ZBTB46: variants seen among roughly 807,000 people sequenced by gnomAD.
ZBTB46 encodes zinc finger and BTB domain containing 46.
In ZBTB46, 8 loss-of-function variants were observed where a neutral mutation model predicts 44.1. The ratio of observed to expected loss-of-function variants is 0.18; its 90% CI spans 0.11 to 0.33. The LOEUF is 0.33. Ranked by LOEUF, ZBTB46 falls within the 10% of genes least tolerant of loss-of-function variation. The probability of loss-of-function intolerance (pLI) is 1.00; values close to 1 mark genes in which losing one functional copy is unlikely to be tolerated. For missense variants in ZBTB46, 651 were observed against 847.7 expected, an observed-to-expected ratio of 0.77 and a Z score of 2.88; for synonymous variants, 409 against 382.3, an observed-to-expected ratio of 1.07 and a Z score of -0.81.
intron 1 of ZBTB46, among the ~76,000 whole-genome samples, chr20:63,798,842 T>TAA (rs576160058): frequency 9.3e-5 from 11 of 117,820 alleles, no homozygotes; most frequent in East Asian, 7.5e-4. Context: ...AGACTCTGTC[T>TAA]AAAAAAAAAA....
At chr20:63,759,544 T>C (rs1198509287) in intron 3 of ZBTB46, among the ~76,000 whole-genome samples, 1 of 152,074 alleles carries the variant, frequency 6.6e-6, no homozygotes, top group Non-Finnish European at 1.5e-5. Context: ...TATCACTGTA[T>C]TGCACAGCTT....
chr20:63,756,745 TTATTGCCCTAGGGCTTCG>T (rs1388579389), intron 3 of ZBTB46, among the ~76,000 whole-genome samples: 13 of 152,224 alleles, frequency 8.5e-5, no homozygotes, highest in African/African-American at 3.1e-4. Flanking sequence ...ACCACACGTT[TTATTGCCCTAGGGCTTCG>T]TATACGTGGG....
intron 3 of ZBTB46, among the ~76,000 whole-genome samples, chr20:63,765,974 C>A (rs2092317250): frequency 6.6e-6 from 1 of 152,112 alleles, no homozygotes; most frequent in Non-Finnish European, 1.5e-5. Context: ...TCCTTATCAA[C>A]CCCCAAGACA....
chr20:63,807,543 C>A (rs2092689405), intron 1 of ZBTB46, among the ~76,000 whole-genome samples: 1 of 152,168 alleles, frequency 6.6e-6, no homozygotes, highest in South Asian at 2.1e-4. Flanking sequence ...CGGGGTTTCA[C>A]CATGTTGGCC....
chr20:63,799,458 T>G (rs2092627530), intron 1 of ZBTB46, among the ~76,000 whole-genome samples: 1 of 152,008 alleles, frequency 6.6e-6, no homozygotes, highest in African/African-American at 2.4e-5. Flanking sequence ...GCGATTCTTG[T>G]ACCTCAGCCT....
At chr20:63,830,508 G>A (rs1331387962) in intron 1 of ZBTB46, among the ~76,000 whole-genome samples, 2 of 150,444 alleles carry the variant, frequency 1.3e-5, no homozygotes, top group Admixed American at 6.6e-5. Flanking sequence ...GGCGTCCGGG[G>A]AGACAATGAC....
At chr20:63,795,456 G>A (rs541720812) in intron 1 of ZBTB46, among the ~76,000 whole-genome samples, 1 of 152,358 alleles carries the variant, frequency 6.6e-6, no homozygotes, top group East Asian at 1.9e-4. Flanking sequence ...GGCTGCGTGG[G>A]GCCTGTCCTG....
rs540871193 is a variant in ZBTB46 at position 63,764,551 on chromosome 20, C to T, written c.1222+11127G>A. On this transcript the variant is annotated intron_variant, in intron 3 of 4. Transcript: ENST00000245663. The stretch of plus-strand genomic sequence containing the variant: ...CATTGTCTTCTAGCTTCTGTAGTTT[C>T]TGGGAAAGTCAGCCATCACTGTTGT... Among the ~76,000 whole-genome samples the T allele has an allele frequency of 2.0e-5, 3 of 151,938 alleles. No individual in the cohort carries two copies. In the East Asian group the frequency reaches 5.8e-4, roughly 29 times the overall value.
At chr20:63,769,102 C>T (rs1303620037) in intron 3 of ZBTB46, 1 of 727,320 alleles carries the variant, frequency 1.4e-6, no homozygotes, top group Non-Finnish European at 1.7e-6. Flanking sequence ...GAGGAGGGCA[C>T]ATGGAGAGCA....
chr20:63,791,317 A>T (rs2092558678), intron 1 of ZBTB46, among the ~76,000 whole-genome samples: 2 of 152,056 alleles, frequency 1.3e-5, no homozygotes. Flanking sequence ...AACATGGTGA[A>T]ACCCTGTCTC....
At chr20:63,830,080 C>A (rs1473255924) in intron 1 of ZBTB46, among the ~76,000 whole-genome samples, 1 of 152,246 alleles carries the variant, frequency 6.6e-6, no homozygotes, top group East Asian at 1.9e-4. Context: ...CGCTGCGAAT[C>A]TCAAACTTTC....
chr20:63,786,382 A>G (rs6089777), intron 2 of ZBTB46, among the ~76,000 whole-genome samples: 82,470 of 152,156 alleles, frequency 0.54, 22,639 homozygotes, highest in South Asian at 0.62. Context: ...TGCTCCTGGC[A>G]TCTGTGGGTG....
chr20:63,799,937 G>A (rs990835781), intron 1 of ZBTB46, among the ~76,000 whole-genome samples: 2 of 152,102 alleles, frequency 1.3e-5, no homozygotes, highest in African/African-American at 2.4e-5. Flanking sequence ...CAACAACTCC[G>A]GTACCTACCC....
In ZBTB46 at chr20:63,808,756, T is replaced by C. The variant is rs555078429; in HGVS notation, c.-33-17966A>G. ...TTGGGAGGCCGAGGCGGGCGGATGG[T>C]GAGGTCAGGAGATCAAGACCATCCT... On this transcript the variant is annotated intron_variant, in intron 1 of 4. Transcript: ENST00000245663. Among the ~76,000 whole-genome samples, 4 of 151,560 alleles carry C rather than the reference T, an allele frequency of 2.6e-5. No homozygotes were observed. In the South Asian group the frequency reaches 8.3e-4, roughly 31 times the overall value.
At chr20:63,830,232 C>T (rs1380496580) in intron 1 of ZBTB46, among the ~76,000 whole-genome samples, 2 of 152,230 alleles carry the variant, frequency 1.3e-5, no homozygotes, top group African/African-American at 4.8e-5. Context: ...CAGGGGAACC[C>T]CAACTAGCAG....
In ZBTB46 at chr20:63,775,679, G is replaced by A. The variant is rs748474265; in HGVS notation, c.1221C>T (p.Ser407=). 5 of 1,566,034 alleles carry A rather than the reference G, an allele frequency of 3.2e-6. No homozygotes were observed. Among genetic ancestry groups the A allele is most frequent in the Admixed American group, 1.8e-5 (1 of 54,344 alleles). Residue 407 remains serine (S), a splice_region_variant and synonymous_variant, in exon 3 of 5, where the codon TCC becomes TCT. Transcript: ENST00000245663. ...EYLPRGAHSL[S]LNEFTVIRKK... is the part of the protein sequence containing the mutation. ...GCGGCCCCCAGGGCCTGCACTTACGGGACAGCGAGTGGGCCCCTCTGGGCA... is the reference window on the plus strand; with the variant it reads ...GCGGCCCCCAGGGCCTGCACTTACGAGACAGCGAGTGGGCCCCTCTGGGCA...
rs6122189 is a variant in ZBTB46, at chr20:63,820,848, C to A, written c.-34+10249G>T. ...GGTTCAAGCGATTCTCCTGCCTCAT[C>A]CTCCCGAAGATCTGGGACTACAGGT... is the stretch of plus-strand genomic sequence containing the variant. On this transcript the variant is annotated intron_variant, in intron 1 of 4. Transcript: ENST00000245663. Among the ~76,000 whole-genome samples, 481 of 152,212 alleles carry A rather than the reference C, an allele frequency of 3.2e-3. 2 individuals are homozygous for A. Among genetic ancestry groups the A allele is most frequent in the African/African-American group, 0.011 (438 of 41,538 alleles).
At chr20:63,806,150 C>T (rs1205679571) in intron 1 of ZBTB46, among the ~76,000 whole-genome samples, 1 of 150,866 alleles carries the variant, frequency 6.6e-6, no homozygotes, top group Admixed American at 6.6e-5. Context: ...GCCTGTAATC[C>T]CAGCATTTTG....
chr20:63,753,068 C>G (rs1251044797), intron 3 of ZBTB46, among the ~76,000 whole-genome samples: 1 of 152,202 alleles, frequency 6.6e-6, no homozygotes, highest in Non-Finnish European at 1.5e-5. Flanking sequence ...GGGGCGGTGC[C>G]AGCAAGGCTG....
Sources: allele counts gnomAD v4.1 joint callset (sites outside exome capture counted in the v4.1 genomes callset), GRCh38; gene constraint gnomAD v4.1.1; transcripts MANE v1.5; gene names NCBI Gene and HGNC (gene_info 2026-07-23, HGNC 2026-07-21).